Variants in ERICH3 observed in about 807,000 individuals in gnomAD.
The protein encoded by ERICH3 is glutamate rich 3.
A neutral mutation model predicts 131.1 loss-of-function variants in ERICH3; 126 were observed. That is an observed-to-expected ratio of 0.96 (90% CI 0.83 to 1.11). The LOEUF (loss-of-function observed/expected upper bound fraction) is 1.11. Ranked by LOEUF, ERICH3 falls within the 50% of genes most tolerant of loss-of-function variation. The pLI, the probability that ERICH3 is intolerant of heterozygous loss-of-function variation, is 0.00. For missense variants in ERICH3, 2,050 were observed against 1,810.7 expected, an observed-to-expected ratio of 1.13 and a Z score of -2.40; for synonymous variants, 695 against 644.6, an observed-to-expected ratio of 1.08 and a Z score of -1.18.
chr1:74,572,139 T>C lies in ERICH3; in HGVS notation c.3571A>G (p.Lys1191Glu). 6.2e-7 allele frequency: 1 copy of C among 1,614,170 alleles called. No homozygotes were observed. Among genetic ancestry groups the C allele is most frequent in the Non-Finnish European group, 8.5e-7 (1 of 1,180,020 alleles). The change falls in exon 14 of 15, where the codon AAA becomes GAA. Residue 1191 changes from lysine (K) to glutamate (E), a missense_variant. Coordinates refer to ENST00000326665, the MANE Select transcript of ERICH3 (RefSeq NM_001002912.5). ...CTGCTGGACAGCTCTTCTCTGTCTT[T>C]GTGCTCTGTGTCTCTGGCTTCACTC... The part of the protein sequence containing the change: ...RLSEARDTEH[K>E]DREELSSREN...
At chr1:74,649,103 G>A (rs1037433382) in intron 2 of ERICH3, 119 bp downstream of exon 2, 1 of 641,986 alleles carries the variant, frequency 1.6e-6, no homozygotes, top group Non-Finnish European at 2.6e-6. Context: ...TGGAAAGAAA[G>A]TAATTTTTCT....
At position 74,572,428 on chromosome 1, in the gene ERICH3, T is replaced by G; in HGVS notation, c.3282A>C (p.Glu1094Asp). 6.2e-7 allele frequency: 1 copy of G among 1,613,998 alleles called. No homozygotes were observed. Among genetic ancestry groups the G allele is most frequent in the Non-Finnish European group, 8.5e-7 (1 of 1,180,030 alleles). ...CTTCTTCCGCTTTAAGTTTTTGCTCTTCTTTAAAAGCATCTTCATCCTTGA... is the reference window on the plus strand; with the variant it reads ...CTTCTTCCGCTTTAAGTTTTTGCTCGTCTTTAAAAGCATCTTCATCCTTGA... Reference protein sequence around the residue: ...NALKDEDAFKEEQKLKAEEGE... With the variant: ...NALKDEDAFKDEQKLKAEEGE... The change falls in exon 14 of 15, where the codon GAA becomes GAC. Residue 1094 changes from glutamate (E) to aspartate (D), a missense_variant. Glu to Asp is a conservative substitution (Grantham distance 45). Coordinates refer to ENST00000326665, the MANE Select transcript of ERICH3 (RefSeq NM_001002912.5).
At chr1:74,636,221 T>A in intron 6 of ERICH3, 59 bp downstream of exon 6, 1 of 1,364,874 alleles carries the variant, frequency 7.3e-7, no homozygotes, top group Non-Finnish European at 9.9e-7. Flanking sequence ...ACCACTGTAA[T>A]AACCTATAAT....
chr1:74,582,813 T>A (rs1194250485), intron 12 of ERICH3, among the ~76,000 whole-genome samples: 1 of 152,196 alleles, frequency 6.6e-6, no homozygotes, highest in African/African-American at 2.4e-5. Flanking sequence ...TTGGAATTTT[T>A]CAGGTATTTT....
chr1:74,659,777 C>T (rs764401871), intron 1 of ERICH3, among the ~76,000 whole-genome samples: 4 of 152,124 alleles, frequency 2.6e-5, no homozygotes, highest in Admixed American at 6.6e-5. Context: ...CCAAGAAGAA[C>T]TGAAATCTGA....
intron 11 of ERICH3, 121 bp from the exon 12 acceptor site, chr1:74,590,201 A>G: frequency 1.1e-6 from 1 of 883,568 alleles, no homozygotes; most frequent in East Asian, 2.7e-5. Context: ...TATAGACCTG[A>G]TATCCTTTTC....
chr1:74,568,632 C>T lies in ERICH3; in HGVS notation c.*1826G>A, dbSNP rs911481056. On this transcript the variant is annotated 3_prime_UTR_variant, in exon 15 of 15. Transcript: ENST00000326665. ...GAGGGACTTCGTGCATGTATCAATA[C>T]AATCATAATAAAAATAAGTTTAAGA... The T allele has an allele frequency of 6.6e-6, 1 of 152,036 alleles. No individual in the cohort carries two copies. Among genetic ancestry groups the T allele is most frequent in the African/African-American group, 2.4e-5 (1 of 41,396 alleles). 9.4% of individuals were successfully genotyped at this position (152,036 alleles called of 1,614,324 possible).
intron 12 of ERICH3, among the ~76,000 whole-genome samples, chr1:74,582,869 G>C (rs887128002): frequency 6.6e-6 from 1 of 152,062 alleles, no homozygotes; most frequent in South Asian, 2.1e-4. Context: ...GAATGATGAC[G>C]ATGAAAGTTG....
intron 14 of ERICH3, among the ~76,000 whole-genome samples, chr1:74,570,755 C>G (rs369682193): frequency 6.6e-6 from 1 of 152,104 alleles, no homozygotes; most frequent in Non-Finnish European, 1.5e-5. Context: ...TAGTTTAATT[C>G]TTTACTTCTG....
intron 7 of ERICH3, among the ~76,000 whole-genome samples, chr1:74,629,467 T>C (rs912465724): frequency 1.3e-5 from 2 of 152,128 alleles, no homozygotes; most frequent in African/African-American, 4.8e-5. Flanking sequence ...GCATGCCTGA[T>C]GACACCATGC....
intron 1 of ERICH3, among the ~76,000 whole-genome samples, chr1:74,659,950 T>G (rs1416599170): frequency 6.6e-6 from 1 of 152,038 alleles, no homozygotes; most frequent in Non-Finnish European, 1.5e-5. Flanking sequence ...AAATAGGAAT[T>G]TGTTGATTAT....
At chr1:74,616,828 T>A (rs699852) in intron 8 of ERICH3, among the ~76,000 whole-genome samples, 108,168 of 152,054 alleles carry the variant, frequency 0.71, 39,835 homozygotes, top group African/African-American at 0.92. Flanking sequence ...CAGAGGCAGA[T>A]ATTGAAGTGA....
intron 6 of ERICH3, among the ~76,000 whole-genome samples, chr1:74,634,306 A>T (rs945829149): frequency 6.6e-6 from 1 of 152,166 alleles, no homozygotes; most frequent in Non-Finnish European, 1.5e-5. Flanking sequence ...AGCAGTACCA[A>T]GGCCATCATA....
chr1:74,634,904 T>C (rs543694984), intron 6 of ERICH3: 5 of 415,728 alleles, frequency 1.2e-5, no homozygotes, highest in Non-Finnish European at 1.7e-5. Context: ...TCTCCCCTCA[T>C]TCTGATTCCA....
At chr1:74,662,232 G>A (rs113999544) in intron 1 of ERICH3, among the ~76,000 whole-genome samples, 229 of 152,134 alleles carry the variant, frequency 1.5e-3, no homozygotes, top group Admixed American at 2.5e-3. Flanking sequence ...CTCAATATTC[G>A]TCTTCACACA....
At chr1:74,616,385 A>G (rs1308120988) in intron 8 of ERICH3, among the ~76,000 whole-genome samples, 1 of 152,156 alleles carries the variant, frequency 6.6e-6, no homozygotes. Context: ...AAAGGAACAT[A>G]GAAGCAATAA....
chr1:74,584,255 A>G (rs919012873), intron 12 of ERICH3, among the ~76,000 whole-genome samples: 1 of 152,220 alleles, frequency 6.6e-6, no homozygotes. Flanking sequence ...AGAGAATGCT[A>G]AAGTTTAGCC....
intron 3 of ERICH3, among the ~76,000 whole-genome samples, chr1:74,643,497 T>A (rs976134071): frequency 6.6e-6 from 1 of 152,102 alleles, no homozygotes; most frequent in African/African-American, 2.4e-5. Flanking sequence ...CACATCCATA[T>A]GATGGAATAA....
chr1:74,673,442 A>G lies in ERICH3; in HGVS notation c.23+55T>C, dbSNP rs1646760010. ...CGCAGCAGGAGGGAGGAGGAGGGGC[A>G]GCTGGCTGAAGCCGCCACCTGCCAC... On this transcript the variant is annotated intron_variant, in intron 1 of 14. Transcript: ENST00000326665. 18 of 1,603,666 alleles carry G rather than the reference A, an allele frequency of 1.1e-5. No homozygotes were observed. The South Asian group carries it at 2.0e-4, about 18-fold the overall frequency.
Sources: gnomAD v4.1 joint callset for allele counts (sites outside exome capture counted in the v4.1 genomes callset) on GRCh38, gnomAD v4.1.1 for gene constraint, MANE v1.5 for transcripts, NCBI Gene and HGNC (gene_info 2026-07-23, HGNC 2026-07-21) for gene names.